Variants in ZDHHC14 observed in about 807,000 individuals in gnomAD.
ZDHHC14 encodes the protein palmitoyltransferase ZDHHC14.
A neutral mutation model predicts 47.7 loss-of-function variants in ZDHHC14; 16 were observed. The observed-to-expected ratio is 0.34, with a 90% CI of 0.23 to 0.51. The LOEUF is 0.51. ZDHHC14 is among the 20% of genes least tolerant of loss of function. The pLI, the probability that ZDHHC14 is intolerant of heterozygous loss-of-function variation, is 0.97. For synonymous variants in ZDHHC14, 293 were observed against 278.9 expected (o/e 1.05, Z -0.50); for missense variants, 515 against 662.5 (o/e 0.78, Z 2.44).
At chr6:157,397,195 T>C (rs1028748210) in intron 1 of ZDHHC14, among the ~76,000 whole-genome samples, 3 of 152,242 alleles carry the variant, frequency 2.0e-5, no homozygotes, top group Non-Finnish European at 4.4e-5. Flanking sequence ...GGGGGAGACT[T>C]AAGTATGGAA....
intron 2 of ZDHHC14, among the ~76,000 whole-genome samples, chr6:157,584,065 G>A (rs145311664): frequency 1.2e-3 from 190 of 152,282 alleles, no homozygotes; most frequent in African/African-American, 4.3e-3. Context: ...AGCACTCAGG[G>A]TCTTTGTTCC....
At chr6:157,635,010 C>G (rs62423258) in intron 5 of ZDHHC14, among the ~76,000 whole-genome samples, 1 of 151,494 alleles carries the variant, frequency 6.6e-6, no homozygotes, top group Non-Finnish European at 1.5e-5. Flanking sequence ...TTTTTTCCCC[C>G]TGAAACGGAG....
intron 1 of ZDHHC14, among the ~76,000 whole-genome samples, chr6:157,453,788 T>TTTTTTTTTTGTGTGTGTGTGTGTGTGTG (rs3220439): frequency 1.8e-4 from 27 of 148,196 alleles, no homozygotes; most frequent in African/African-American, 6.6e-4. Flanking sequence ...TTTTTGTGTT[T>TTTTTTTTTTGTGTGTGTGTGTGTGTGTG]TGTGTGTGTG....
intron 1 of ZDHHC14, among the ~76,000 whole-genome samples, chr6:157,459,787 T>C (rs1779022670): frequency 6.6e-6 from 1 of 152,018 alleles, no homozygotes; most frequent in Non-Finnish European, 1.5e-5. Context: ...CTTTAAAAAG[T>C]CATCTGGCCA....
chr6:157,400,414 G>T (rs1777610804), intron 1 of ZDHHC14, among the ~76,000 whole-genome samples: 1 of 151,954 alleles, frequency 6.6e-6, no homozygotes, highest in South Asian at 2.1e-4. Flanking sequence ...ACTTTTAAAG[G>T]GTGACCTACA....
chr6:157,504,207 G>T (rs1410254986), intron 1 of ZDHHC14, among the ~76,000 whole-genome samples: 2 of 151,726 alleles, frequency 1.3e-5, no homozygotes, highest in Non-Finnish European at 2.9e-5. Context: ...TTTTTTGTTT[G>T]CTTGTTTGTT....
intron 8 of ZDHHC14, among the ~76,000 whole-genome samples, chr6:157,666,611 G>A (rs1407140588): frequency 1.3e-5 from 2 of 152,154 alleles, no homozygotes; most frequent in Non-Finnish European, 2.9e-5. Context: ...TAACTCTAAT[G>A]CTTTTGACAG....
chr6:157,431,825 G>T (rs948613343), intron 1 of ZDHHC14, among the ~76,000 whole-genome samples: 2 of 150,874 alleles, frequency 1.3e-5, no homozygotes, highest in Non-Finnish European at 2.9e-5. Context: ...AACCCTCTGT[G>T]CTCAGGCGAT....
At chr6:157,563,574 C>T (rs1174637989) in intron 2 of ZDHHC14, among the ~76,000 whole-genome samples, 1 of 152,212 alleles carries the variant, frequency 6.6e-6, no homozygotes, top group East Asian at 1.9e-4. Context: ...CTCCGTGTAT[C>T]CACACTGTGT....
intron 1 of ZDHHC14, among the ~76,000 whole-genome samples, chr6:157,383,007 C>G (rs1234116634): frequency 6.6e-6 from 1 of 152,184 alleles, no homozygotes; most frequent in Non-Finnish European, 1.5e-5. Context: ...TGACAACTTC[C>G]GATTCCAGAA....
At chr6:157,472,153 G>T (rs145152651) in intron 1 of ZDHHC14, among the ~76,000 whole-genome samples, 264 of 152,270 alleles carry the variant, frequency 1.7e-3, no homozygotes, top group Middle Eastern at 0.014. Flanking sequence ...ATGTCCTGCA[G>T]CCTCAGCAGT....
At chr6:157,462,799 G>A (rs1467198632) in intron 1 of ZDHHC14, among the ~76,000 whole-genome samples, 3 of 152,232 alleles carry the variant, frequency 2.0e-5, no homozygotes, top group Non-Finnish European at 4.4e-5. Flanking sequence ...AGGGCCTGGC[G>A]GGGGCCTCTT....
At chr6:157,485,305 T>A (rs1479700621) in intron 1 of ZDHHC14, among the ~76,000 whole-genome samples, 1 of 152,062 alleles carries the variant, frequency 6.6e-6, no homozygotes, top group Non-Finnish European at 1.5e-5. Context: ...CTTCATCCTC[T>A]GCACACACCC....
intron 1 of ZDHHC14, among the ~76,000 whole-genome samples, chr6:157,538,100 G>T (rs1407798051): frequency 1.3e-5 from 2 of 152,200 alleles, no homozygotes; most frequent in Non-Finnish European, 2.9e-5. Flanking sequence ...AGGATTTCTA[G>T]GACAAACTCA....
chr6:157,464,265 A>T (rs931845366), intron 1 of ZDHHC14, among the ~76,000 whole-genome samples: 3 of 152,196 alleles, frequency 2.0e-5, no homozygotes, highest in Non-Finnish European at 4.4e-5. Flanking sequence ...TTCCGTTTGC[A>T]TGTATATTTT....
intron 5 of ZDHHC14, among the ~76,000 whole-genome samples, chr6:157,642,371 T>C (rs1369877161): frequency 6.6e-6 from 1 of 152,220 alleles, no homozygotes; most frequent in African/African-American, 2.4e-5. Flanking sequence ...CTGTCCCCAG[T>C]GCAGGGCTGG....
intron 1 of ZDHHC14, among the ~76,000 whole-genome samples, chr6:157,398,593 C>G (rs1777569771): frequency 6.6e-6 from 1 of 152,120 alleles, no homozygotes; most frequent in South Asian, 2.1e-4. Context: ...TCCCCTGCCC[C>G]CACCAAGATA....
chr6:157,565,748 G>A (rs1782877397), intron 2 of ZDHHC14, among the ~76,000 whole-genome samples: 1 of 151,252 alleles, frequency 6.6e-6, no homozygotes, highest in African/African-American at 2.4e-5. Context: ...GGAGGCGGAG[G>A]TTGCAGTGAG....
At chr6:157,584,921 T>C (rs1190897391) in intron 2 of ZDHHC14, among the ~76,000 whole-genome samples, 3 of 152,082 alleles carry the variant, frequency 2.0e-5, no homozygotes, top group Non-Finnish European at 4.4e-5. Flanking sequence ...AATACTGACT[T>C]GGGATGGGCA....
Sources: gnomAD v4.1 joint callset for allele counts (sites outside exome capture counted in the v4.1 genomes callset) on GRCh38, gnomAD v4.1.1 for gene constraint, MANE v1.5 for transcripts, NCBI Gene and HGNC (gene_info 2026-07-23, HGNC 2026-07-21) for gene names.